Variants in KLF12 observed in about 807,000 individuals in gnomAD.
KLF12 encodes the protein KLF transcription factor 12.
In KLF12, 9 loss-of-function variants were observed where a neutral mutation model predicts 37.8. The observed-to-expected ratio is 0.24, with a 90% CI of 0.14 to 0.42. KLF12 has a LOEUF of 0.42. Ranked by LOEUF, KLF12 falls within the 10% of genes least tolerant of loss-of-function variation. The pLI, the probability that KLF12 is intolerant of heterozygous loss-of-function variation, is 1.00. For missense variants in KLF12, 411 were observed against 516.0 expected, an observed-to-expected ratio of 0.80 and a Z score of 1.97; for synonymous variants, 208 against 202.1, an observed-to-expected ratio of 1.03 and a Z score of -0.25.
At chr13:73,924,402 A>G (rs1889277256) in intron 3 of KLF12, among the ~76,000 whole-genome samples, 1 of 152,142 alleles carries the variant, frequency 6.6e-6, no homozygotes, top group African/African-American at 2.4e-5. Flanking sequence ...CAATATTTCA[A>G]ATGTTTTCAT....
intron 1 of KLF12, among the ~76,000 whole-genome samples, chr13:74,064,448 TGG>T (rs1427451751): frequency 6.6e-6 from 1 of 152,150 alleles, no homozygotes; most frequent in Non-Finnish European, 1.5e-5. Flanking sequence ...AAATGAGACA[TGG>T]GTGGCTGCAA....
the KLF12 span, among the ~76,000 whole-genome samples, chr13:74,148,169 C>G: frequency 7.9e-5 from 12 of 152,164 alleles, no homozygotes; most frequent in African/African-American, 2.9e-4. Flanking sequence ...CCCGCCTCGG[C>G]CTCCCAAGGT....
intron 4 of KLF12, among the ~76,000 whole-genome samples, chr13:73,822,408 G>C (rs1220076002): frequency 2.0e-5 from 3 of 152,088 alleles, no homozygotes; most frequent in Non-Finnish European, 4.4e-5. Context: ...TTACCGCTTG[G>C]AAACTAAAAT....
chr13:73,879,477 ACT>A (rs1260654369), intron 3 of KLF12, among the ~76,000 whole-genome samples: 4 of 152,234 alleles, frequency 2.6e-5, no homozygotes, highest in African/African-American at 9.6e-5. Context: ...GCTTTATATA[ACT>A]CTAAGAAAAG....
chr13:74,295,548 GTGT>G, the KLF12 span, among the ~76,000 whole-genome samples: 12 of 152,146 alleles, frequency 7.9e-5, no homozygotes, highest in African/African-American at 2.4e-5. Flanking sequence ...CTGTTGTGGT[GTGT>G]TGTTATGATT....
At chr13:73,953,470 T>C (rs1427292992) in intron 2 of KLF12, among the ~76,000 whole-genome samples, 1 of 152,202 alleles carries the variant, frequency 6.6e-6, no homozygotes, top group Non-Finnish European at 1.5e-5. Flanking sequence ...TACTGTACAT[T>C]AACATATTCA....
chr13:73,926,630 CTT>C (rs58514840), intron 3 of KLF12, among the ~76,000 whole-genome samples: 470 of 144,656 alleles, frequency 3.2e-3, no homozygotes, highest in East Asian at 7.5e-3. Context: ...CTCTCTCTCT[CTT>C]TTTTTTTTTT....
chr13:73,882,240 ACTC>A (rs532944649), intron 3 of KLF12, among the ~76,000 whole-genome samples: 166 of 151,998 alleles, frequency 1.1e-3, no homozygotes, highest in African/African-American at 3.3e-3. Flanking sequence ...AAGTTTAAAA[ACTC>A]CTCTTCTGTA....
At chr13:74,001,569 T>C (rs2138311634) in intron 1 of KLF12, among the ~76,000 whole-genome samples, 1 of 152,354 alleles carries the variant, frequency 6.6e-6, no homozygotes, top group African/African-American at 2.4e-5. Context: ...GCAGTATACA[T>C]ATTTGGCTTT....
chr13:73,848,354 G>A (rs1885139298), intron 3 of KLF12, among the ~76,000 whole-genome samples: 1 of 152,032 alleles, frequency 6.6e-6, no homozygotes, highest in African/African-American at 2.4e-5. Context: ...GATTGCTTGT[G>A]AGGCACCAAG....
chr13:73,890,926 C>G (rs1309929970), intron 3 of KLF12, among the ~76,000 whole-genome samples: 1 of 152,002 alleles, frequency 6.6e-6, no homozygotes, highest in Non-Finnish European at 1.5e-5. Flanking sequence ...TATTGGCATT[C>G]TAAAATTGCA....
chr13:74,112,956 A>G lies in KLF12; in HGVS notation c.-32+20783T>C, dbSNP rs181067893. Reference sequence around the variant, plus strand: ...AAGTGTTACTCCATCAAAAACATGAATAAGAAAACGAAACAGCTTTAATGC... The same window carrying G: ...AAGTGTTACTCCATCAAAAACATGAGTAAGAAAACGAAACAGCTTTAATGC... On this transcript the variant is annotated intron_variant, in intron 1 of 7. Transcript: ENST00000377669. Among the ~76,000 whole-genome samples the G allele has an allele frequency of 3.7e-3, 567 of 152,324 alleles. 3 individuals are homozygous for G. The highest frequency in any genetic ancestry group is 2.7e-3 in the Non-Finnish European group (184 of 68,032).
At chr13:73,884,430 T>C (rs1887121551) in intron 3 of KLF12, among the ~76,000 whole-genome samples, 1 of 152,186 alleles carries the variant, frequency 6.6e-6, no homozygotes, top group Admixed American at 6.5e-5. Flanking sequence ...TTACATTCAA[T>C]AAAAGAAAAG....
the KLF12 span, among the ~76,000 whole-genome samples, chr13:74,211,192 A>G: frequency 1.3e-5 from 2 of 152,148 alleles, no homozygotes; most frequent in African/African-American, 2.4e-5. Flanking sequence ...GCTCAATGGC[A>G]TCTCTGAATT....
intron 5 of KLF12, among the ~76,000 whole-genome samples, chr13:73,790,271 T>C (rs572531944): frequency 6.6e-6 from 1 of 152,332 alleles, no homozygotes; most frequent in East Asian, 1.9e-4. Context: ...ACAAATGATG[T>C]TTGAATGGTC....
At chr13:73,833,527 T>C (rs998147125) in intron 4 of KLF12, among the ~76,000 whole-genome samples, 2 of 152,184 alleles carry the variant, frequency 1.3e-5, no homozygotes, top group African/African-American at 4.8e-5. Flanking sequence ...TAAGAGTGTT[T>C]ATTGTGTGCC....
intron 1 of KLF12, among the ~76,000 whole-genome samples, chr13:74,112,204 CTG>C (rs10637379): frequency 1.3e-3 from 189 of 149,348 alleles, no homozygotes; most frequent in African/African-American, 4.1e-3. Flanking sequence ...GTGTGTGCAT[CTG>C]TGTGTGTGTG....
At chr13:74,174,338 T>C in the KLF12 span, among the ~76,000 whole-genome samples, 1 of 149,598 alleles carries the variant, frequency 6.7e-6, no homozygotes. Flanking sequence ...TTCTTTTCTT[T>C]TTTTTTTTTT....
chr13:73,871,281 G>A (rs1254507337), intron 3 of KLF12, among the ~76,000 whole-genome samples: 5 of 152,184 alleles, frequency 3.3e-5, no homozygotes, highest in Non-Finnish European at 7.3e-5. Flanking sequence ...CTATGGTGGC[G>A]TGTCCTGAAA....
Sources: gnomAD v4.1 joint callset for allele counts (sites outside exome capture counted in the v4.1 genomes callset) on GRCh38, gnomAD v4.1.1 for gene constraint, MANE v1.5 for transcripts, NCBI Gene and HGNC (gene_info 2026-07-23, HGNC 2026-07-21) for gene names.